Variants in CRB2 observed in about 807,000 individuals in gnomAD.
CRB2 encodes protein crumbs homolog 2.
Under a neutral mutation model 110.9 loss-of-function variants are expected in CRB2, and 85 were observed. The ratio of observed to expected loss-of-function variants is 0.77; its 90% CI spans 0.64 to 0.92. The LOEUF (loss-of-function observed/expected upper bound fraction) is 0.92, where lower values mean the gene tolerates loss of function less well. Among genes scored for constraint, CRB2 ranks in the 40% least tolerant of loss-of-function variants. The pLI is 0.00. For missense variants in CRB2, 1,843 were observed against 1,851.3 expected, an observed-to-expected ratio of 1.00 and a Z score of 0.08; for synonymous variants, 907 against 831.0, an observed-to-expected ratio of 1.09 and a Z score of -1.57.
At chr9:123,361,136 G>C (rs1335489125) in intron 1 of CRB2, among the ~76,000 whole-genome samples, 3 of 123,454 alleles carry the variant, frequency 2.4e-5, no homozygotes, top group South Asian at 2.8e-4. Flanking sequence ...GATGGGCGGG[G>C]AGGGGGGGGG....
chr9:123,354,303 CG>C (rs1564365640), upstream of CRB2, among the ~76,000 whole-genome samples: 1 of 152,238 alleles, frequency 6.6e-6, no homozygotes, highest in Admixed American at 6.5e-5. Context: ...GGACCTGCGC[CG>C]GGTGACCTCC....
chr9:123,368,196 C>T (rs926626913), intron 6 of CRB2, among the ~76,000 whole-genome samples: 2 of 152,130 alleles, frequency 1.3e-5, no homozygotes, highest in Admixed American at 6.5e-5. Context: ...GCCTGCGACA[C>T]CTCCCTCACA....
chr9:123,362,785 G>T, intron 1 of CRB2, 80 bp from the exon 2 acceptor site: 4 of 1,401,604 alleles, frequency 2.9e-6, no homozygotes, highest in Non-Finnish European at 3.9e-6. Context: ...TTGGGGTCTG[G>T]GGTGGGCCTG....
In CRB2 at chr9:123,371,458, C is replaced by T. The variant is rs142240363; in HGVS notation, c.2316C>T (p.Leu772=). 127 of 1,613,012 alleles carry T rather than the reference C, an allele frequency of 7.9e-5. 2 individuals are homozygous for T. The highest frequency in any genetic ancestry group is 3.4e-4 in the South Asian group (31 of 91,086). Residue 772 remains leucine, a synonymous_variant, in exon 8 of 13, where the codon CTC becomes CTT. Transcript: ENST00000373631. The stretch of plus-strand genomic sequence containing the variant: ...GAGGCTGCCTCCAGGACCTGCGACT[C>T]GATGGCTGCCACCTCCCCTTCTTTC... The part of the protein sequence containing the change: ...PFRGCLQDLR[L]DGCHLPFFPL...
In CRB2 at chr9:123,377,003, G is replaced by A; in HGVS notation, c.3799G>A (p.Gly1267Arg). 6.2e-7 allele frequency: 1 copy of A among 1,609,216 alleles called. No homozygotes were observed. The highest frequency in any genetic ancestry group is 8.5e-7 in the Non-Finnish European group (1 of 1,178,566). ...CAGCCCAAGCCAGCAGGAGGTGGCT[G>A]GGGCCCGGCTGGAGATGGACAGTGT... ...TYSPSQQEVAGARLEMDSVLK... is the reference protein window; with the variant it reads ...TYSPSQQEVARARLEMDSVLK... The change falls in exon 13 of 13, where the codon GGG (glycine) becomes AGG (arginine). Residue 1267 changes from glycine (G) to arginine (R), a missense_variant. Transcript: ENST00000373631.
chr9:123,364,538 C>A lies in CRB2; in HGVS notation c.418+1350C>A, dbSNP rs570355727. ...ATTTCCAGACAAGGCCTGGCTCCCC[C>A]TGGCACAGAGGGTGGGAGTGGGGAT... On this transcript the variant is annotated intron_variant, in intron 2 of 12. Transcript: ENST00000373631. Among the ~76,000 whole-genome samples the A allele has an allele frequency of 1.5e-4, 22 of 144,098 alleles. No individual in the cohort carries two copies. The East Asian group carries it at 5.2e-3, about 34-fold the overall frequency. The allele number at this position is 144,098 out of a possible 152,430, so 94.5% of individuals were successfully genotyped here. A position where few individuals can be genotyped will look rare whatever the true frequency, so the allele number is the denominator to read the frequency against.
chr9:123,373,288 C>CCTCGGT lies in CRB2; in HGVS notation c.2757_2758insCTCGGT (p.Gly919_Val920insLeuGly). 13 of 1,479,100 alleles carry CCTCGGT rather than the reference C, an allele frequency of 8.8e-6. No individual in the cohort carries two copies. The highest frequency in any genetic ancestry group is 1.2e-5 in the Non-Finnish European group (13 of 1,124,218). The allele number at this position is 1,479,100 out of a possible 1,614,324, so 91.6% of individuals were successfully genotyped here. A position where few individuals can be genotyped will look rare whatever the true frequency, so the allele number is the denominator to read the frequency against. On this transcript the variant is annotated inframe_insertion, in exon 10 of 13. Transcript: ENST00000373631. Reference sequence around the variant, plus strand: ...GTGCCGCGGCGGGCGCCCTGGAAGGCGTGTGGCTGGCGGTGCGCAATGGCT... The same window carrying CCTCGGT: ...GTGCCGCGGCGGGCGCCCTGGAAGGCCTCGGTGTGTGGCTGGCGGTGCGCAATGGCT...
intron 5 of CRB2, 70 bp downstream of exon 5, chr9:123,367,427 C>CCACCCCA: frequency 1.1e-6 from 1 of 941,924 alleles, no homozygotes; most frequent in African/African-American, 3.2e-5. Flanking sequence ...GCCCACCCCC[C>CCACCCCA]CACCCCCCCC....
intron 1 of CRB2, 22 bp from the exon 2 acceptor site, chr9:123,362,843 A>G: frequency 6.4e-7 from 1 of 1,552,332 alleles, no homozygotes; most frequent in Non-Finnish European, 8.7e-7. Flanking sequence ...CACCCTGCCC[A>G]GCCAGTTTCT....
At position 123,371,522 on chromosome 9, in the gene CRB2, G is replaced by A. The variant is rs148397660; in HGVS notation, c.2380G>A (p.Gly794Ser). 246 of 1,613,066 alleles carry A rather than the reference G, an allele frequency of 1.5e-4. No homozygotes were observed. The highest frequency in any genetic ancestry group is 2.0e-4 in the Admixed American group (12 of 59,988). Residue 794 changes from glycine (G) to serine (S), a missense_variant, in exon 8 of 13, where the codon GGC (glycine) becomes AGC (serine). Transcript: ENST00000373631. ...LDNSSQPSEL[G>S]GRQSWNLTAG... ...TAACTCAAGCCAGCCCAGCGAGCTC[G>A]GCGGCAGGCAGTCCTGGAACCTCAC...
At chr9:123,372,393 T>C in intron 9 of CRB2, 51 bp downstream of exon 9, 1 of 1,541,752 alleles carries the variant, frequency 6.5e-7, no homozygotes. Flanking sequence ...ACACCTAAGC[T>C]GGTTAGATCC....
rs765759843 is a variant in CRB2, at chr9:123,363,118, G to A, written c.348G>A (p.Pro116=). 13 of 1,610,686 alleles carry A rather than the reference G, an allele frequency of 8.1e-6. No individual in the cohort carries two copies. Among genetic ancestry groups the A allele is most frequent in the East Asian group, 6.7e-5 (3 of 44,856 alleles). The part of the protein sequence containing the change: ...ELDIDECASR[P]CHHGATCRNL... Reference sequence around the variant, plus strand: ...ACATCGATGAGTGTGCATCCCGGCCGTGCCACCATGGGGCCACCTGCCGCA... The same window carrying A: ...ACATCGATGAGTGTGCATCCCGGCCATGCCACCATGGGGCCACCTGCCGCA... Residue 116 remains proline (P), a synonymous_variant, in exon 2 of 13, where the codon CCG becomes CCA. Coordinates refer to ENST00000373631, the MANE Select transcript of CRB2 (RefSeq NM_173689.7).
rs1312254220 is a variant in CRB2 at position 123,370,966 on chromosome 9, C to A, written c.1913C>A (p.Pro638His). Residue 638 changes from proline to histidine, a missense_variant, in exon 7 of 13, where the codon CCC (proline) becomes CAC (histidine). Transcript: ENST00000373631. ...RCDCARPHRG[P>H]TCADEIPAAT... ...GACTGTGCCCGGCCCCATAGAGGTC[C>A]CACGTGCGCTGATGGTGAGGAATAA... The A allele has an allele frequency of 6.2e-7, 1 of 1,604,668 alleles. No homozygotes were observed. The highest frequency in any genetic ancestry group is 8.5e-7 in the Non-Finnish European group (1 of 1,173,730).
At chr9:123,356,192 G>C (rs35454517), upstream of CRB2, 121 of 1,095,760 alleles carry the variant, frequency 1.1e-4, no homozygotes, top group Admixed American at 1.8e-4. Context: ...AGGGACGAGG[G>C]GGGTGCGGAG....
intron 12 of CRB2, among the ~76,000 whole-genome samples, chr9:123,376,545 G>A (rs1218951195): frequency 6.6e-6 from 1 of 152,014 alleles, no homozygotes; most frequent in East Asian, 1.9e-4. Flanking sequence ...AGGCTTCTGT[G>A]AAACCCATGC....
In CRB2 at chr9:123,365,949, G is replaced by T; in HGVS notation, c.451G>T (p.Ala151Ser). ...VTCEMEVDEC[A>S]SAPCLHGGSC... is the part of the protein sequence containing the mutation. ...CTGCGAGATGGAGGTGGACGAGTGC[G>T]CCTCAGCGCCCTGCCTGCACGGGGG... Residue 151 changes from alanine to serine, a missense_variant, in exon 3 of 13, where the codon GCC becomes TCC. Ala to Ser is a moderately conservative substitution (Grantham distance 99, BLOSUM62 1). Coordinates refer to ENST00000373631, the MANE Select transcript of CRB2 (RefSeq NM_173689.7). The T allele has an allele frequency of 6.3e-7, 1 of 1,596,558 alleles. No individual in the cohort carries two copies. The highest frequency in any genetic ancestry group is 8.5e-7 in the Non-Finnish European group (1 of 1,178,670).
Position 123,365,913 on chromosome 9 carries a change from CCA to C in CRB2, c.419-3_419-2del. On this transcript the variant is annotated splice_acceptor_variant and splice_polypyrimidine_tract_variant and intron_variant, in intron 2 of 12. Transcript: ENST00000373631. LOFTEE classifies it high-confidence loss of function. ...GCACCCTGTGTGTCCCCTGCCCTGT[CCA>C]GGCGTGACCTGCGAGATGGAGGTGG... The C allele has an allele frequency of 6.3e-7, 1 of 1,590,956 alleles. No individual in the cohort carries two copies. Among genetic ancestry groups the C allele is most frequent in the South Asian group, 1.1e-5 (1 of 90,324 alleles).
intron 8 of CRB2, 74 bp downstream of exon 8, chr9:123,371,652 C>T (rs950017921): frequency 1.3e-6 from 2 of 1,584,144 alleles, no homozygotes; most frequent in Non-Finnish European, 1.7e-6. Flanking sequence ...GTCACCGGGG[C>T]TTAGTGTGTC....
upstream of CRB2, among the ~76,000 whole-genome samples, chr9:123,355,070 A>AG (rs533675325): frequency 1.2e-3 from 186 of 152,348 alleles, 2 homozygotes; most frequent in Middle Eastern, 6.8e-3. Flanking sequence ...ATGTATTGGC[A>AG]GGGGCCGGTG....
Sources: gnomAD v4.1 joint callset for allele counts (sites outside exome capture counted in the v4.1 genomes callset) on GRCh38, gnomAD v4.1.1 for gene constraint, MANE v1.5 for transcripts, NCBI Gene and HGNC (gene_info 2026-07-23, HGNC 2026-07-21) for gene names.